The following HIP1 variants were observed in gnomAD, a reference collection of about 807,000 sequenced individuals.
HIP1 encodes the protein huntingtin interacting protein 1.
A neutral mutation model predicts 147.6 loss-of-function variants in HIP1; 65 were observed. That is an observed-to-expected ratio of 0.44 (90% CI 0.36 to 0.54). The LOEUF is 0.54. Ranked by LOEUF, HIP1 falls within the 20% of genes least tolerant of loss-of-function variation. HIP1 has a pLI of 0.00. For missense variants in HIP1, 1,061 were observed against 1,299.6 expected (o/e 0.82, Z 2.82); for synonymous variants, 479 against 504.0 (o/e 0.95, Z 0.67).
At chr7:75,655,504 T>C (rs573861162) in intron 1 of HIP1, among the ~76,000 whole-genome samples, 1 of 150,844 alleles carries the variant, frequency 6.6e-6, no homozygotes, top group African/African-American at 2.4e-5. Flanking sequence ...GTCGCTGAAA[T>C]CCAGGAAGCG....
intron 4 of HIP1, 89 bp downstream of exon 4, chr7:75,591,967 G>C: frequency 9.6e-7 from 1 of 1,041,212 alleles, no homozygotes; most frequent in African/African-American, 1.6e-5. Context: ...TGAAGGAGAT[G>C]AATTTATTTC....
intron 1 of HIP1, among the ~76,000 whole-genome samples, chr7:75,660,763 A>G (rs1315562651): frequency 4.6e-5 from 7 of 152,172 alleles, no homozygotes; most frequent in African/African-American, 1.7e-4. Flanking sequence ...GCCATTACAA[A>G]AAAAGAAAAA....
Position 75,685,205 on chromosome 7 carries a change from G to A in HIP1, c.120+53596C>T, listed in dbSNP as rs1334658519. On this transcript the variant is annotated intron_variant, in intron 1 of 30. Coordinates refer to ENST00000336926, the MANE Select transcript of HIP1 (RefSeq NM_005338.7). ...AGGTGGGAGGATCGCTTGAGCCCAA[G>A]AGTTGGAAACCAGCCTGGACAACAT... Among the ~76,000 whole-genome samples the A allele has an allele frequency of 2.0e-5, 3 of 152,238 alleles. No individual in the cohort carries two copies. In the East Asian group the frequency reaches 5.8e-4, roughly 29 times the overall value.
intron 14 of HIP1, 29 bp downstream of exon 14, chr7:75,559,703 G>GGGCGGCC: frequency 2.5e-6 from 3 of 1,195,144 alleles, no homozygotes; most frequent in Non-Finnish European, 3.5e-6. Context: ...TGCCCCCGGG[G>GGGCGGCC]CCCGCCCCCG....
chr7:75,574,486 G>A (rs1012458270), intron 7 of HIP1, among the ~76,000 whole-genome samples: 117 of 151,824 alleles, frequency 7.7e-4, no homozygotes, highest in African/African-American at 2.6e-3. Context: ...CTACTCGGGA[G>A]GCTGAGGCAG....
At chr7:75,575,048 C>T (rs193141888) in intron 7 of HIP1, among the ~76,000 whole-genome samples, 277 of 152,170 alleles carry the variant, frequency 1.8e-3, no homozygotes, top group Middle Eastern at 6.8e-3. Flanking sequence ...ATCCCAGCTA[C>T]TTGGGAAGCT....
chr7:75,718,847 G>A (rs1046518091), intron 1 of HIP1, among the ~76,000 whole-genome samples: 1 of 152,120 alleles, frequency 6.6e-6, no homozygotes, highest in African/African-American at 2.4e-5. Flanking sequence ...AATTCTTTCC[G>A]TGGTTCTGCT....
intron 1 of HIP1, among the ~76,000 whole-genome samples, chr7:75,713,927 T>C (rs1244730421): frequency 6.6e-6 from 1 of 152,048 alleles, no homozygotes; most frequent in Non-Finnish European, 1.5e-5. Flanking sequence ...CTCAATCTCC[T>C]GACCTCAAGT....
chr7:75,699,241 T>G (rs1015319498), intron 1 of HIP1, among the ~76,000 whole-genome samples: 12 of 152,064 alleles, frequency 7.9e-5, no homozygotes, highest in Admixed American at 2.0e-4. Context: ...CTTTCAAAGA[T>G]TCTTACAAAG....
At chr7:75,570,222 G>C (rs1013733680) in intron 8 of HIP1, among the ~76,000 whole-genome samples, 1 of 151,464 alleles carries the variant, frequency 6.6e-6, no homozygotes, top group African/African-American at 2.4e-5. Context: ...GTGAGTCACC[G>C]TGCCCTGCCT....
chr7:75,696,012 G>A lies in HIP1; in HGVS notation c.120+42789C>T, dbSNP rs116647416. 8.4e-3 allele frequency among the ~76,000 whole-genome samples: 1,251 copies of A among 149,528 alleles called. 18 individuals carry two copies. The highest frequency in any genetic ancestry group is 0.029 in the African/African-American group (1,177 of 40,722). ...TCTCTTTTCTTTTCTTTTTAGACAC[G>A]GTTCCGCTGTGTCACCCAGGCTGGA... On this transcript the variant is annotated intron_variant, in intron 1 of 30. Transcript: ENST00000336926.
chr7:75,553,533 G>A lies in HIP1; in HGVS notation c.2215C>T (p.Leu739=). The change falls in exon 22 of 31, where the codon CTG becomes TTG. Residue 739 remains leucine, a synonymous_variant. Transcript: ENST00000336926. ...TTCTCAAGGCTTCCCTCTTCCTCCA[G>A]GGAGGCCAGGTAGGCGAGGGTTTCC... ...GRETLAYLAS[L]EEEGSLENAD... The A allele has an allele frequency of 6.2e-7, 1 of 1,614,116 alleles. No individual in the cohort carries two copies. The highest frequency in any genetic ancestry group is 8.5e-7 in the Non-Finnish European group (1 of 1,180,004).
intron 1 of HIP1, among the ~76,000 whole-genome samples, chr7:75,618,134 T>C (rs1220190907): frequency 1.3e-5 from 2 of 152,176 alleles, no homozygotes; most frequent in African/African-American, 4.8e-5. Flanking sequence ...CACCCTCTCG[T>C]TGCCCCAGCT....
At chr7:75,677,625 A>T (rs1325098839) in intron 1 of HIP1, among the ~76,000 whole-genome samples, 1 of 131,878 alleles carries the variant, frequency 7.6e-6, no homozygotes, top group Non-Finnish European at 1.6e-5. Context: ...AAAAAAAAAA[A>T]GACAAGCCTT....
At chr7:75,669,968 T>A (rs563613455) in intron 1 of HIP1, among the ~76,000 whole-genome samples, 1 of 152,164 alleles carries the variant, frequency 6.6e-6, no homozygotes, top group Admixed American at 6.5e-5. Flanking sequence ...GCCCAGCTAA[T>A]TTTTGTATGT....
intron 1 of HIP1, among the ~76,000 whole-genome samples, chr7:75,680,861 C>T (rs1287955267): frequency 3.3e-5 from 5 of 152,192 alleles, no homozygotes; most frequent in East Asian, 1.9e-4. Context: ...CTGCAAGCTC[C>T]GCCTCCCAGG....
chr7:75,606,581 A>G (rs1254365556), intron 1 of HIP1, among the ~76,000 whole-genome samples: 6 of 152,068 alleles, frequency 3.9e-5, no homozygotes, highest in Non-Finnish European at 7.4e-5. Context: ...GTCTCAAAAA[A>G]AAAAAAGATG....
At chr7:75,598,559 C>T (rs1179993032) in intron 2 of HIP1, among the ~76,000 whole-genome samples, 25 of 151,826 alleles carry the variant, frequency 1.6e-4, no homozygotes, top group Non-Finnish European at 1.0e-4. Flanking sequence ...GAAGATCCCT[C>T]CTGACCCCCA....
At chr7:75,629,488 T>G (rs1474134198) in intron 1 of HIP1, among the ~76,000 whole-genome samples, 1 of 152,180 alleles carries the variant, frequency 6.6e-6, no homozygotes, top group Non-Finnish European at 1.5e-5. Context: ...TAATCATTCA[T>G]GCATTCAGCA....
Sources: allele counts gnomAD v4.1 joint callset (sites outside exome capture counted in the v4.1 genomes callset), GRCh38; gene constraint gnomAD v4.1.1; transcripts MANE v1.5; gene names NCBI Gene and HGNC (gene_info 2026-07-23, HGNC 2026-07-21).